CXCR6: variants seen among roughly 807,000 people sequenced by gnomAD.
The protein encoded by CXCR6 is C-X-C chemokine receptor type 6.
A neutral mutation model predicts 1.6 loss-of-function variants in CXCR6; 3 were observed. That is an observed-to-expected ratio of 1.83 (90% CI 0.83 to 4.72). The LOEUF (loss-of-function observed/expected upper bound fraction) is 4.72, where lower values mean the gene tolerates loss of function less well. Among genes scored for constraint, CXCR6 ranks in the 30% most tolerant of loss-of-function variants. The pLI, the probability that CXCR6 is intolerant of heterozygous loss-of-function variation, is 0.02. For synonymous variants in CXCR6, 171 were observed against 159.2 expected, an observed-to-expected ratio of 1.07 and a Z score of -0.56; for missense variants, 326 against 414.8, an observed-to-expected ratio of 0.79 and a Z score of 1.86.
chr3:45,945,899 G>A (rs1704562986), intron 1 of CXCR6: 1 of 152,758 alleles, frequency 6.5e-6, no homozygotes, highest in Non-Finnish European at 1.5e-5. Flanking sequence ...TACCCAGGCA[G>A]AGCAGTCTTG....
chr3:45,946,753 G>A lies in CXCR6; in HGVS notation c.272G>A (p.Gly91Asp). 1 of 1,614,222 alleles carries A rather than the reference G, an allele frequency of 6.2e-7. No individual in the cohort carries two copies. Among genetic ancestry groups the A allele is most frequent in the Non-Finnish European group, 8.5e-7 (1 of 1,180,040 alleles). ...VCTLPFWAYA[G>D]IHEWVFGQVM... is the part of the protein sequence containing the mutation. ...ACTCTGCCCTTCTGGGCCTATGCAGGCATCCATGAATGGGTGTTTGGCCAG... is the reference window on the plus strand; with the variant it reads ...ACTCTGCCCTTCTGGGCCTATGCAGACATCCATGAATGGGTGTTTGGCCAG... The change falls in exon 2 of 2, where the codon GGC becomes GAC. Residue 91 changes from glycine (G) to aspartate (D), a missense_variant. Physicochemically the swap from Gly to Asp is moderately conservative, Grantham distance 94 (BLOSUM62 -1). Coordinates refer to ENST00000304552, the MANE Select transcript of CXCR6 (RefSeq NM_006564.2).
At position 45,946,861 on chromosome 3, in the gene CXCR6, G is replaced by A. The variant is rs1160127803; in HGVS notation, c.380G>A (p.Arg127His). Residue 127 changes from arginine (R) to histidine (H), a missense_variant, in exon 2 of 2, where the codon CGT becomes CAT. Physicochemically the swap from Arg to His is conservative, Grantham distance 29. Transcript: ENST00000304552. ...ATCCTCACCTGCATCACTGTGGATC[G>A]TTTCATTGTAGTGGTTAAGGCCACC... ...MLILTCITVD[R>H]FIVVVKATKA... The A allele has an allele frequency of 3.7e-6, 6 of 1,614,060 alleles. No individual in the cohort carries two copies. Among genetic ancestry groups the A allele is most frequent in the African/African-American group, 2.7e-5 (2 of 74,924 alleles).
At position 45,947,484 on chromosome 3, in the gene CXCR6, G is replaced by T. The variant is rs778081270; in HGVS notation, c.1003G>T (p.Glu335Ter). The T allele has an allele frequency of 6.3e-5, 102 of 1,613,890 alleles. No homozygotes were observed. Among genetic ancestry groups the T allele is most frequent in the Non-Finnish European group, 8.3e-5 (98 of 1,179,876 alleles). The change falls in exon 2 of 2, where the codon GAG (glutamate) becomes TAG (stop). Residue 335 changes from glutamate to a stop codon, truncating the protein, a stop_gained. Coordinates refer to ENST00000304552, the MANE Select transcript of CXCR6 (RefSeq NM_006564.2). LOFTEE classifies it high-confidence loss of function. ...SKTFSASHNV[E>*]ATSMFQL Reference sequence around the variant, plus strand: ...GACTTTTTCTGCCTCCCACAATGTGGAGGCCACCAGCATGTTCCAGTTATA... The same window carrying T: ...GACTTTTTCTGCCTCCCACAATGTGTAGGCCACCAGCATGTTCCAGTTATA...
At position 45,943,499 on chromosome 3, in the gene CXCR6, G is replaced by A. The variant is rs924193069; in HGVS notation, c.-63G>A. On this transcript the variant is annotated 5_prime_UTR_variant, in exon 1 of 2. Coordinates refer to ENST00000304552, the MANE Select transcript of CXCR6 (RefSeq NM_006564.2). Reference sequence around the variant, plus strand: ...AGTAGAGGCAGACCTTGCTTCATGAGCAAGCTCATCTCTGGAACAAACTGG... The same window carrying A: ...AGTAGAGGCAGACCTTGCTTCATGAACAAGCTCATCTCTGGAACAAACTGG... The A allele has an allele frequency of 2.6e-5, 4 of 152,218 alleles. No homozygotes were observed. The highest frequency in any genetic ancestry group is 1.3e-4 in the Admixed American group (2 of 15,284). 9.4% of individuals were successfully genotyped at this position (152,218 alleles called of 1,614,324 possible).
rs1704372137 is a variant in CXCR6 at position 45,943,496 on chromosome 3, T to C, written c.-66T>C. The stretch of plus-strand genomic sequence containing the variant: ...AGAAGTAGAGGCAGACCTTGCTTCA[T>C]GAGCAAGCTCATCTCTGGAACAAAC... On this transcript the variant is annotated 5_prime_UTR_variant, in exon 1 of 2. An upstream start codon of the reference 5' UTR is lost. Transcript: ENST00000304552. 1 of 152,224 alleles carries C rather than the reference T, an allele frequency of 6.6e-6. No homozygotes were observed. The highest frequency in any genetic ancestry group is 1.5e-5 in the Non-Finnish European group (1 of 68,040). The allele number at this position is 152,224 out of a possible 1,614,324, so 9.4% of individuals were successfully genotyped here.
chr3:45,942,397 T>A (rs913976663), upstream of CXCR6, among the ~76,000 whole-genome samples: 3 of 152,340 alleles, frequency 2.0e-5, no homozygotes, highest in Non-Finnish European at 2.9e-5. Context: ...AGGCTGCTCC[T>A]GGTCCCTGCT....
Position 45,947,205 on chromosome 3 carries a change from C to A in CXCR6, c.724C>A (p.Leu242Met), listed in dbSNP as rs763696572. 4 of 1,614,096 alleles carry A rather than the reference C, an allele frequency of 2.5e-6. No homozygotes were observed. In the Admixed American group the frequency reaches 6.7e-5, roughly 27 times the overall value. ...IIFLVMAVFL[L>M]TQMPFNLMKF... Reference sequence around the variant, plus strand: ...CTTCCTGGTGATGGCTGTGTTCCTGCTGACCCAGATGCCCTTCAACCTCAT... The same window carrying A: ...CTTCCTGGTGATGGCTGTGTTCCTGATGACCCAGATGCCCTTCAACCTCAT... Residue 242 changes from leucine (L) to methionine (M), a missense_variant, in exon 2 of 2, where the codon CTG (leucine) becomes ATG (methionine). Coordinates refer to ENST00000304552, the MANE Select transcript of CXCR6 (RefSeq NM_006564.2).
chr3:45,948,162 A>G lies in CXCR6; in HGVS notation c.*652A>G, dbSNP rs1399883704. 2 of 167,300 alleles carry G rather than the reference A, an allele frequency of 1.2e-5. No individual in the cohort carries two copies. Among genetic ancestry groups the G allele is most frequent in the East Asian group, 3.8e-4 (2 of 5,208 alleles). 10.4% of individuals were successfully genotyped at this position (167,300 alleles called of 1,614,324 possible). ...AAAAATGTGCAAAACAGCGTTTAAG[A>G]CTGTAATGAATCTAAGCAGCATTTC... On this transcript the variant is annotated 3_prime_UTR_variant, in exon 2 of 2. Transcript: ENST00000304552.
chr3:45,940,976 T>C (rs1001167944), upstream of CXCR6: 2 of 152,242 alleles, frequency 1.3e-5, no homozygotes, highest in African/African-American at 4.8e-5. Context: ...CTCCTGCTTA[T>C]AGAACAATTG....
chr3:45,945,519 A>C (rs1704532656), intron 1 of CXCR6: 1 of 152,256 alleles, frequency 6.6e-6, no homozygotes, highest in Non-Finnish European at 1.5e-5. Flanking sequence ...TGCCCTGGGT[A>C]AGAAAGGTTG....
At chr3:45,944,194 GTC>G (rs1559447520) in intron 1 of CXCR6, among the ~76,000 whole-genome samples, 1 of 141,838 alleles carries the variant, frequency 7.1e-6, no homozygotes, top group African/African-American at 3.1e-5. Context: ...GTGCGTGTGT[GTC>G]TGTGTGTGTG....
intron 1 of CXCR6, chr3:45,946,224 TCC>T: frequency 2.2e-6 from 1 of 455,010 alleles, no homozygotes; most frequent in African/African-American, 1.9e-5. Context: ...ATGAGTTGTC[TCC>T]CAGATGGGTG....
chr3:45,947,546 T>C lies in CXCR6; in HGVS notation c.*36T>C. The C allele has an allele frequency of 1.3e-6, 2 of 1,543,958 alleles. No homozygotes were observed. Among genetic ancestry groups the C allele is most frequent in the Non-Finnish European group, 1.8e-6 (2 of 1,119,764 alleles). On this transcript the variant is annotated 3_prime_UTR_variant, in exon 2 of 2. Coordinates refer to ENST00000304552, the MANE Select transcript of CXCR6 (RefSeq NM_006564.2). The stretch of plus-strand genomic sequence containing the variant: ...GGTTTCGAGAAGCTGCTCTGGAATT[T>C]GCAAGTCATGGCTGTGCCCTCTTGA...
Position 45,947,717 on chromosome 3 carries a change from T to C in CXCR6, c.*207T>C. On this transcript the variant is annotated 3_prime_UTR_variant, in exon 2 of 2. Coordinates refer to ENST00000304552, the MANE Select transcript of CXCR6 (RefSeq NM_006564.2). ...TCATGCTGAAAGCCCAAGTAGGGGG[T>C]CTAAAATTTTTAAGGACTTTCCTTC... The C allele has an allele frequency of 1.8e-6, 1 of 563,202 alleles. No homozygotes were observed. Among genetic ancestry groups the C allele is most frequent in the Non-Finnish European group, 3.2e-6 (1 of 311,772 alleles). 34.9% of individuals were successfully genotyped at this position (563,202 alleles called of 1,614,324 possible).
At chr3:45,945,487 A>T (rs1704529273) in intron 1 of CXCR6, 1 of 152,184 alleles carries the variant, frequency 6.6e-6, no homozygotes, top group Admixed American at 6.5e-5. Flanking sequence ...GGTCAGAGAG[A>T]AGTGACATCT....
At chr3:45,945,201 T>G (rs972079991) in intron 1 of CXCR6, 1 of 152,248 alleles carries the variant, frequency 6.6e-6, no homozygotes, top group Non-Finnish European at 1.5e-5. Flanking sequence ...ATCGTTTATA[T>G]GCACTTGTCT....
chr3:45,943,458 T>C (rs1490337386), upstream of CXCR6: 2 of 152,172 alleles, frequency 1.3e-5, no homozygotes, highest in Non-Finnish European at 2.9e-5. Flanking sequence ...AGCGGAAACA[T>C]GAACCACATC....
In CXCR6 at chr3:45,947,435, GA is replaced by G. The variant is rs775341805; in HGVS notation, c.957del (p.Lys319AsnfsTer45). Reference protein sequence around the residue: ...LPYLGVSHQWKSSEDNSKTFS... With the variant: ...LPYLGVSHQWXSSEDNSKTFS... ...CTTACCTTGGGGTCTCACATCAATG[GA>G]AATCTTCTGAGGACAATTCCAAGAC... On this transcript the variant is annotated frameshift_variant, in exon 2 of 2. Transcript: ENST00000304552. LOFTEE classifies it high-confidence loss of function. 6.2e-7 allele frequency: 1 copy of G among 1,614,202 alleles called. No individual in the cohort carries two copies. Among genetic ancestry groups the G allele is most frequent in the Non-Finnish European group, 8.5e-7 (1 of 1,180,022 alleles).
intron 1 of CXCR6, chr3:45,946,077 C>T: frequency 5.5e-6 from 1 of 182,240 alleles, no homozygotes; most frequent in Non-Finnish European, 1.2e-5. Flanking sequence ...TTGATGAGCT[C>T]ATATTATCAG....
Sources: allele counts gnomAD v4.1 joint callset (sites outside exome capture counted in the v4.1 genomes callset), GRCh38; gene constraint gnomAD v4.1.1; transcripts MANE v1.5; gene names NCBI Gene and HGNC (gene_info 2026-07-23, HGNC 2026-07-21).